The following B4GALNT3 variants were observed in gnomAD, a reference collection of about 807,000 sequenced individuals.
B4GALNT3 encodes beta-1,4-N-acetylgalactosaminyltransferase 3.
A neutral mutation model predicts 120.2 loss-of-function variants in B4GALNT3; 86 were observed. The ratio of observed to expected loss-of-function variants is 0.72; its 90% CI spans 0.60 to 0.86. B4GALNT3 has a LOEUF of 0.86. Ranked by LOEUF, B4GALNT3 falls within the 40% of genes least tolerant of loss-of-function variation. The probability of loss-of-function intolerance (pLI) is 0.00; values close to 1 mark genes in which losing one functional copy is unlikely to be tolerated. For synonymous variants in B4GALNT3, 518 were observed against 510.4 expected (o/e 1.01, Z -0.20); for missense variants, 1,167 against 1,298.9 (o/e 0.90, Z 1.56).
At chr12:545,736 CGAGGAGTGGGGAGGAGT>C (rs1946991903) in intron 6 of B4GALNT3, among the ~76,000 whole-genome samples, 4 of 59,848 alleles carry the variant, frequency 6.7e-5, no homozygotes, top group East Asian at 1.0e-3. Context: ...TGGGGAGGAG[CGAGGAGTGGGGAGGAGT>C]GAGGAGTGGG....
chr12:509,377 A>T (rs1174643799), intron 1 of B4GALNT3, among the ~76,000 whole-genome samples: 2 of 152,206 alleles, frequency 1.3e-5, no homozygotes, highest in African/African-American at 4.8e-5. Context: ...GGAGGAAAGG[A>T]GATTTCCAGG....
Position 460,552 on chromosome 12 carries a change from A to G in B4GALNT3, c.169+7A>G. On this transcript the variant is annotated splice_region_variant and intron_variant, in intron 1 of 19. Coordinates refer to ENST00000266383, the MANE Select transcript of B4GALNT3 (RefSeq NM_173593.4). The surrounding 1 kb of genome is among the most constrained non-coding windows in gnomAD (Gnocchi z 8.0). Reference sequence around the variant, plus strand: ...GGGAACCCCCTGAACCGGAGTAAGTAGCACCCAGGGGAGGCGAAGGGCGCG... The same window carrying G: ...GGGAACCCCCTGAACCGGAGTAAGTGGCACCCAGGGGAGGCGAAGGGCGCG... 1 of 1,466,616 alleles carries G rather than the reference A, an allele frequency of 6.8e-7. No homozygotes were observed. The allele number at this position is 1,466,616 out of a possible 1,614,324, so 90.9% of individuals were successfully genotyped here. A position where few individuals can be genotyped will look rare whatever the true frequency, so the allele number is the denominator to read the frequency against.
chr12:467,036 A>G (rs1232153799), intron 1 of B4GALNT3, among the ~76,000 whole-genome samples: 1 of 152,166 alleles, frequency 6.6e-6, no homozygotes, highest in Non-Finnish European at 1.5e-5. Flanking sequence ...AGTTTAGCAT[A>G]TTTTAATATT....
chr12:552,120 C>T lies in B4GALNT3; in HGVS notation c.1165C>T (p.His389Tyr). ...DYTRLSHMET[H>Y]NKCFYQENAY... ...TACCCGCCTGAGCCACATGGAGACC[C>T]ACAATAAATGTTTCTACCAGGAAAA... is the stretch of plus-strand genomic sequence containing the variant. The change falls in exon 12 of 20, where the codon CAC (histidine) becomes TAC (tyrosine). Residue 389 changes from histidine to tyrosine, a missense_variant. Physicochemically the swap from His to Tyr is moderately conservative, Grantham distance 83 (BLOSUM62 2). This residue lies in a region of B4GALNT3 where 983 missense variants were observed against 1,102.5 expected (regional missense o/e 0.89). Coordinates refer to ENST00000266383, the MANE Select transcript of B4GALNT3 (RefSeq NM_173593.4). The T allele has an allele frequency of 6.2e-7, 1 of 1,613,314 alleles. No individual in the cohort carries two copies. Among genetic ancestry groups the T allele is most frequent in the Non-Finnish European group, 8.5e-7 (1 of 1,179,356 alleles).
intron 1 of B4GALNT3, among the ~76,000 whole-genome samples, chr12:534,186 C>A (rs535124576): frequency 1.3e-5 from 2 of 152,196 alleles, no homozygotes; most frequent in Admixed American, 1.3e-4. Context: ...GCTAAGTGAG[C>A]CTTGATCAGC....
At chr12:523,953 C>T (rs376152690) in intron 1 of B4GALNT3, among the ~76,000 whole-genome samples, 36 of 152,156 alleles carry the variant, frequency 2.4e-4, no homozygotes, top group East Asian at 1.7e-3. Context: ...CCCAGCTCCT[C>T]GGGAGACTGA....
rs1373806827 is a variant in B4GALNT3, at chr12:552,680, G to A, written c.1270+152G>A. 31 of 671,658 alleles carry A rather than the reference G, an allele frequency of 4.6e-5. No homozygotes were observed. In the East Asian group the frequency reaches 8.3e-4, roughly 18 times the overall value. 41.6% of individuals were successfully genotyped at this position (671,658 alleles called of 1,614,324 possible). On this transcript the variant is annotated intron_variant, in intron 13 of 19. Transcript: ENST00000266383. Reference sequence around the variant, plus strand: ...CCCTTCACACCCAAGGGAGTGGAGAGCATGACTCCTGCCTTTTCCATATCC... The same window carrying A: ...CCCTTCACACCCAAGGGAGTGGAGAACATGACTCCTGCCTTTTCCATATCC...
At chr12:464,286 A>G (rs968576189) in intron 1 of B4GALNT3, among the ~76,000 whole-genome samples, 3 of 152,200 alleles carry the variant, frequency 2.0e-5, no homozygotes, top group Admixed American at 6.5e-5. Context: ...CACAAGTTAT[A>G]TACCCATTTG....
chr12:491,240 A>C (rs975187709), intron 1 of B4GALNT3, among the ~76,000 whole-genome samples: 1 of 152,242 alleles, frequency 6.6e-6, no homozygotes, highest in Non-Finnish European at 1.5e-5. Flanking sequence ...AATGTAATTA[A>C]TCACATAGGC....
rs555111467 is a variant in B4GALNT3 at position 487,667 on chromosome 12, C to G, written c.169+27122C>G. On this transcript the variant is annotated intron_variant, in intron 1 of 19. Coordinates refer to ENST00000266383, the MANE Select transcript of B4GALNT3 (RefSeq NM_173593.4). ...GGCAGAGGTTGCAGTGAGCCGAGAT[C>G]GTGCCACTGCACTCCAGCCTGGGCA... is the stretch of plus-strand genomic sequence containing the variant. Among the ~76,000 whole-genome samples the G allele has an allele frequency of 2.0e-5, 3 of 150,098 alleles. No homozygotes were observed. In the East Asian group the frequency reaches 5.9e-4, roughly 29 times the overall value.
At chr12:553,062 G>C in intron 13 of B4GALNT3, 132 bp from the exon 14 acceptor site, 1 of 1,334,192 alleles carries the variant, frequency 7.5e-7, no homozygotes, top group Non-Finnish European at 1.0e-6. Context: ...CACAGTAAGC[G>C]ATAGAACCTG....
At chr12:514,762 C>T (rs1457115488) in intron 1 of B4GALNT3, among the ~76,000 whole-genome samples, 1 of 151,984 alleles carries the variant, frequency 6.6e-6, no homozygotes, top group East Asian at 1.9e-4. Flanking sequence ...GGCGTGGTGG[C>T]TTACACCTGT....
chr12:517,052 G>C (rs1946664325), intron 1 of B4GALNT3, among the ~76,000 whole-genome samples: 1 of 152,176 alleles, frequency 6.6e-6, no homozygotes, highest in Non-Finnish European at 1.5e-5. Context: ...GCAGGTTTGG[G>C]AGGAAAAATC....
intron 14 of B4GALNT3, among the ~76,000 whole-genome samples, chr12:555,986 T>A (rs1161609385): frequency 6.6e-6 from 1 of 151,592 alleles, no homozygotes; most frequent in Admixed American, 6.6e-5. Flanking sequence ...GGTTTCACCA[T>A]ATTAGCCAGG....
chr12:522,778 GAA>G (rs11367575), intron 1 of B4GALNT3, among the ~76,000 whole-genome samples: 1 of 146,854 alleles, frequency 6.8e-6, no homozygotes, highest in African/African-American at 2.5e-5. Flanking sequence ...TACCAAAAAA[GAA>G]AAAAAAAATT....
chr12:511,917 TTCC>T (rs1946575291), intron 1 of B4GALNT3, among the ~76,000 whole-genome samples: 1 of 122,190 alleles, frequency 8.2e-6, no homozygotes, highest in Admixed American at 8.1e-5. Flanking sequence ...TTCGACCTTC[TTCC>T]ACCTTCCACC....
chr12:561,248 G>A (rs75501440), intron 19 of B4GALNT3, 95 bp from the exon 20 acceptor site: 43,873 of 903,516 alleles, frequency 0.049, 1,329 homozygotes, highest in East Asian at 0.1. Context: ...TCCCTGCCCC[G>A]TGGGGAGCGA....
chr12:538,578 A>G (rs957374450), intron 3 of B4GALNT3, among the ~76,000 whole-genome samples: 121 of 151,908 alleles, frequency 8.0e-4, no homozygotes, highest in African/African-American at 2.1e-3. Flanking sequence ...AAAAAAAAAA[A>G]AAAGAAATAT....
intron 1 of B4GALNT3, among the ~76,000 whole-genome samples, chr12:524,525 G>T (rs781713615): frequency 1.1e-4 from 16 of 152,138 alleles, no homozygotes; most frequent in Non-Finnish European, 2.2e-4. Flanking sequence ...CCCTGTGTGG[G>T]CCTGGAAAAC....
Sources: allele counts gnomAD v4.1 joint callset (sites outside exome capture counted in the v4.1 genomes callset), GRCh38; gene constraint gnomAD v4.1.1; regional missense constraint gnomAD v4.1.1; non-coding constraint Gnocchi (gnomAD v3.1); transcripts MANE v1.5; gene names NCBI Gene and HGNC (gene_info 2026-07-23, HGNC 2026-07-21).